Variants in PTPRG observed in about 807,000 individuals in gnomAD.
PTPRG encodes the protein receptor-type tyrosine-protein phosphatase gamma.
Under a neutral mutation model 165.3 loss-of-function variants are expected in PTPRG, and 102 were observed. The observed-to-expected ratio is 0.62, with a 90% CI of 0.53 to 0.73. The LOEUF (loss-of-function observed/expected upper bound fraction) is 0.73. Ranked by LOEUF, PTPRG falls within the 30% of genes least tolerant of loss-of-function variation. The probability of loss-of-function intolerance (pLI) is 0.00; values close to 1 mark genes in which losing one functional copy is unlikely to be tolerated. For synonymous variants in PTPRG, 675 were observed against 669.5 expected (o/e 1.01, Z -0.13); for missense variants, 1,866 against 1,861.4 (o/e 1.00, Z -0.05).
intron 3 of PTPRG, among the ~76,000 whole-genome samples, chr3:61,993,827 A>T (rs1393245796): frequency 2.6e-5 from 4 of 152,258 alleles, no homozygotes; most frequent in Non-Finnish European, 4.4e-5. Context: ...TGTAAAATAG[A>T]CTCTGTCTTT....
chr3:62,245,213 C>G lies in PTPRG; in HGVS notation c.2467+1315C>G, dbSNP rs1006376241. Among the ~76,000 whole-genome samples the G allele has an allele frequency of 2.0e-5, 3 of 152,290 alleles. No individual in the cohort carries two copies. The highest frequency in any genetic ancestry group is 1.5e-5 in the Non-Finnish European group (1 of 68,008). On this transcript the variant is annotated intron_variant, in intron 15 of 29. Coordinates refer to ENST00000474889, the MANE Select transcript of PTPRG (RefSeq NM_002841.4). This position sits in a 1 kb window ranked among gnomAD's most constrained non-coding sequence, Gnocchi z 4.2. The stretch of plus-strand genomic sequence containing the variant: ...TGTTACTGTGTGTTCTCCACTAACC[C>G]TGCCCCTTTTTCCTTGCTGAAGGAG...
Position 62,240,088 on chromosome 3 carries a change from C to T in PTPRG, c.2376-3719C>T, listed in dbSNP as rs1481949703. Reference sequence around the variant, plus strand: ...TTAAATACCAGCATTGTAATGCCTCCATGAAATGGAAGATTAAGCAAACAT... The same window carrying T: ...TTAAATACCAGCATTGTAATGCCTCTATGAAATGGAAGATTAAGCAAACAT... On this transcript the variant is annotated intron_variant, in intron 14 of 29. Transcript: ENST00000474889. This position sits in a 1 kb window ranked among gnomAD's most constrained non-coding sequence, Gnocchi z 5.1. Among the ~76,000 whole-genome samples, 2 of 152,254 alleles carry T rather than the reference C, an allele frequency of 1.3e-5. No individual in the cohort carries two copies. Among genetic ancestry groups the T allele is most frequent in the East Asian group, 3.9e-4 (2 of 5,176 alleles).
intron 7 of PTPRG, 23 bp downstream of exon 7, chr3:62,157,247 G>T (rs752184768): frequency 6.2e-7 from 1 of 1,607,288 alleles, no homozygotes; most frequent in Non-Finnish European, 8.5e-7. Flanking sequence ...CCTCAAGTGG[G>T]GTTTCTGTGT....
At chr3:62,165,114 A>G (rs1243734792) in intron 7 of PTPRG, among the ~76,000 whole-genome samples, 1 of 152,222 alleles carries the variant, frequency 6.6e-6, no homozygotes, top group East Asian at 1.9e-4. Context: ...CATGGAGAAG[A>G]GCTGGTCAGC....
chr3:61,990,079 T>G (rs1346039032), intron 3 of PTPRG, among the ~76,000 whole-genome samples: 1 of 151,958 alleles, frequency 6.6e-6, no homozygotes, highest in East Asian at 1.9e-4. Flanking sequence ...TTAGTAGATG[T>G]AAGGTATGTA....
At chr3:61,985,728 C>T (rs190380302) in intron 2 of PTPRG, among the ~76,000 whole-genome samples, 1 of 152,080 alleles carries the variant, frequency 6.6e-6, no homozygotes, top group African/African-American at 2.4e-5. Context: ...TTTGATTGAC[C>T]TTCTTTGATT....
intron 2 of PTPRG, among the ~76,000 whole-genome samples, chr3:61,950,205 T>G (rs2107622090): frequency 6.6e-6 from 1 of 152,216 alleles, no homozygotes; most frequent in Middle Eastern, 3.4e-3. Context: ...CTGTGCTGAA[T>G]TCTTTTGTCT....
intron 5 of PTPRG, among the ~76,000 whole-genome samples, chr3:62,123,100 T>G (rs6800796): frequency 0.02 from 3,109 of 152,338 alleles, 92 homozygotes; most frequent in African/African-American, 0.071. Context: ...TCAGTTTCTG[T>G]GTGTCCTCAG....
intron 7 of PTPRG, among the ~76,000 whole-genome samples, chr3:62,161,739 A>T (rs938445893): frequency 6.6e-6 from 1 of 152,210 alleles, no homozygotes; most frequent in Non-Finnish European, 1.5e-5. Context: ...GCATTTAGCT[A>T]GCTGTTCTTA....
rs148248819 is a variant in PTPRG, at chr3:61,924,969, A to G, written c.191-64656A>G. Among the ~76,000 whole-genome samples, 4 of 152,332 alleles carry G rather than the reference A, an allele frequency of 2.6e-5. No homozygotes were observed. In the East Asian group the frequency reaches 5.8e-4, roughly 22 times the overall value. ...TGTCTAAAGAGTCAGAAGAGAGATG[A>G]TATCTGCAAGCCAGGAAGGTTATAT... On this transcript the variant is annotated intron_variant, in intron 2 of 29. Coordinates refer to ENST00000474889, the MANE Select transcript of PTPRG (RefSeq NM_002841.4).
chr3:62,251,175 G>A (rs938238360), intron 15 of PTPRG, among the ~76,000 whole-genome samples: 3 of 152,308 alleles, frequency 2.0e-5, no homozygotes, highest in East Asian at 3.9e-4. Context: ...AGGATCACTC[G>A]AGCCCAAGAG....
chr3:61,699,540 T>C (rs955524611), intron 1 of PTPRG, among the ~76,000 whole-genome samples: 1 of 152,216 alleles, frequency 6.6e-6, no homozygotes, highest in Non-Finnish European at 1.5e-5. Context: ...TTACCTATTA[T>C]TGAGAGTTTC....
intron 5 of PTPRG, among the ~76,000 whole-genome samples, chr3:62,095,846 A>G (rs916541344): frequency 1.3e-5 from 2 of 152,162 alleles, no homozygotes; most frequent in African/African-American, 4.8e-5. Flanking sequence ...GGAGATTCTC[A>G]GCTACTAGCA....
chr3:61,646,709 T>C (rs35540480), intron 1 of PTPRG, among the ~76,000 whole-genome samples: 37,978 of 152,128 alleles, frequency 0.25, 4,920 homozygotes, highest in South Asian at 0.26. Flanking sequence ...ATTTTTTTCA[T>C]ATGTGTAGAT....
Position 61,719,300 on chromosome 3 carries a change from CAG to C in PTPRG, c.86-29574_86-29573del, listed in dbSNP as rs774999581. ...CCCTGGGCTTAATTTTTTTAATTAA[CAG>C]AGAAGACTGCAGGTGTTCTCAAGTA... On this transcript the variant is annotated intron_variant, in intron 1 of 29. Coordinates refer to ENST00000474889, the MANE Select transcript of PTPRG (RefSeq NM_002841.4). Among the ~76,000 whole-genome samples the C allele has an allele frequency of 3.9e-5, 6 of 152,298 alleles. No homozygotes were observed. The East Asian group carries it at 7.7e-4, about 20-fold the overall frequency.
chr3:61,572,402 A>G (rs1218349288), intron 1 of PTPRG, among the ~76,000 whole-genome samples: 10 of 152,218 alleles, frequency 6.6e-5, no homozygotes, highest in African/African-American at 2.4e-4. Flanking sequence ...GTCTTTGTCT[A>G]AAATGAGAAA....
At chr3:62,234,870 T>G (rs1449844027) in intron 14 of PTPRG, among the ~76,000 whole-genome samples, 3 of 152,092 alleles carry the variant, frequency 2.0e-5, no homozygotes, top group Non-Finnish European at 4.4e-5. Context: ...CTTTTATGGT[T>G]TCAAATTTTA....
chr3:62,064,694 A>G (rs1700947497), intron 4 of PTPRG, among the ~76,000 whole-genome samples: 2 of 151,424 alleles, frequency 1.3e-5, no homozygotes. Flanking sequence ...AAACTAAGTA[A>G]AGATTCTTTA....
chr3:61,664,336 C>G (rs1702748107), intron 1 of PTPRG, among the ~76,000 whole-genome samples: 1 of 152,160 alleles, frequency 6.6e-6, no homozygotes, highest in Non-Finnish European at 1.5e-5. Flanking sequence ...GATGGGGTGG[C>G]TGAGCCCAGA....
Sources: allele counts gnomAD v4.1 joint callset (sites outside exome capture counted in the v4.1 genomes callset), GRCh38; gene constraint gnomAD v4.1.1; non-coding constraint Gnocchi (gnomAD v3.1); transcripts MANE v1.5; gene names NCBI Gene and HGNC (gene_info 2026-07-23, HGNC 2026-07-21).